NTSR1: variants seen among roughly 807,000 people sequenced by gnomAD.
NTSR1 encodes neurotensin receptor type 1.
Under a neutral mutation model 31.2 loss-of-function variants are expected in NTSR1, and 29 were observed. That is an observed-to-expected ratio of 0.93 (90% CI 0.69 to 1.27). The LOEUF (loss-of-function observed/expected upper bound fraction) is 1.27. Among genes scored for constraint, NTSR1 ranks in the 50% most tolerant of loss-of-function variants. The probability of loss-of-function intolerance (pLI) is 0.00; values close to 1 mark genes in which losing one functional copy is unlikely to be tolerated. For missense variants in NTSR1, 697 were observed against 595.4 expected (o/e 1.17, Z -1.78); for synonymous variants, 282 against 269.9 (o/e 1.04, Z -0.44).
chr20:62,746,036 G>A (rs1989294370), intron 1 of NTSR1, among the ~76,000 whole-genome samples: 1 of 152,238 alleles, frequency 6.6e-6, no homozygotes, highest in Admixed American at 6.5e-5. Flanking sequence ...TGTGGCCAGG[G>A]CTGAGACGCC....
chr20:62,712,897 GT>G (rs1263254097), intron 1 of NTSR1, among the ~76,000 whole-genome samples: 2 of 152,236 alleles, frequency 1.3e-5, no homozygotes, highest in African/African-American at 4.8e-5. Flanking sequence ...GGCCCAGATG[GT>G]GGGTCATCAG....
intron 1 of NTSR1, among the ~76,000 whole-genome samples, chr20:62,725,973 C>A (rs2147136190): frequency 6.6e-6 from 1 of 152,326 alleles, no homozygotes; most frequent in African/African-American, 2.4e-5. Flanking sequence ...TCTCTGTACA[C>A]CAACCTCATG....
In NTSR1 at chr20:62,709,242, G is replaced by A. The variant is rs913168157; in HGVS notation, c.35G>A (p.Gly12Asp). 4 of 1,505,658 alleles carry A rather than the reference G, an allele frequency of 2.7e-6. No homozygotes were observed. In the African/African-American group the frequency reaches 5.6e-5, roughly 21 times the overall value. 93.3% of individuals were successfully genotyped at this position (1,505,658 alleles called of 1,614,324 possible). A position where few individuals can be genotyped will look rare whatever the true frequency, so the allele number is the denominator to read the frequency against. Residue 12 changes from glycine to aspartate, a missense_variant, in exon 1 of 4, where the codon GGC becomes GAC. Transcript: ENST00000370501. ...AACAGCTCCGCGCCGGGAACCCCGG[G>A]CACGCCGGCCGCCGACCCCTTCCAG... ...RLNSSAPGTP[G>D]TPAADPFQRA...
chr20:62,738,080 T>TGCA (rs1989136808), intron 1 of NTSR1, among the ~76,000 whole-genome samples: 1 of 71,390 alleles, frequency 1.4e-5, no homozygotes, highest in African/African-American at 9.5e-5. Context: ...CTCCCCCTCC[T>TGCA]CTGCCTATGC....
At chr20:62,725,036 G>C (rs1196421784) in intron 1 of NTSR1, among the ~76,000 whole-genome samples, 4 of 152,156 alleles carry the variant, frequency 2.6e-5, no homozygotes, top group Non-Finnish European at 1.5e-5. Flanking sequence ...TATCTTTTCG[G>C]GGCTACCAAT....
Position 62,735,834 on chromosome 20 carries a change from G to A in NTSR1, c.715-18851G>A, listed in dbSNP as rs149355357. 5.3e-5 allele frequency among the ~76,000 whole-genome samples: 8 copies of A among 152,344 alleles called. No individual in the cohort carries two copies. In the East Asian group the frequency reaches 1.5e-3, roughly 29 times the overall value. ...CTGTGACCTGTGGGGCTGTGCAGGG[G>A]GCGGGAGCAGCCCCCATCCCAAAAG... On this transcript the variant is annotated intron_variant, in intron 1 of 3. Transcript: ENST00000370501.
rs1989545733 is a variant in NTSR1, at chr20:62,758,153, TGCA to T, written c.917-111_917-109del. 1 of 1,178,460 alleles carries T rather than the reference TGCA, an allele frequency of 8.5e-7. No individual in the cohort carries two copies. Among genetic ancestry groups the T allele is most frequent in the Non-Finnish European group, 1.2e-6 (1 of 812,604 alleles). The allele number at this position is 1,178,460 out of a possible 1,614,324, so 73.0% of individuals were successfully genotyped here. On this transcript the variant is annotated intron_variant, in intron 2 of 3. Transcript: ENST00000370501. This position sits in a 1 kb window ranked among gnomAD's most constrained non-coding sequence, Gnocchi z 4.5. ...TGAGCCCACGTCTCTGTGCCTCAGG[TGCA>T]GTGGGTCTCTGAGCCCACATCTGTG...
At chr20:62,736,291 T>C (rs1034884043) in intron 1 of NTSR1, among the ~76,000 whole-genome samples, 1 of 152,216 alleles carries the variant, frequency 6.6e-6, no homozygotes, top group African/African-American at 2.4e-5. Context: ...CCTTGGCAGC[T>C]GGGGAGACCC....
intron 1 of NTSR1, among the ~76,000 whole-genome samples, chr20:62,710,945 C>T (rs1988598704): frequency 1.3e-5 from 2 of 152,152 alleles, no homozygotes; most frequent in Non-Finnish European, 2.9e-5. Flanking sequence ...CTAGAGGGGC[C>T]AGGGTGGCTG....
intron 2 of NTSR1, among the ~76,000 whole-genome samples, chr20:62,756,057 T>C (rs1270775811): frequency 1.3e-5 from 2 of 151,842 alleles, no homozygotes; most frequent in Non-Finnish European, 2.9e-5. Context: ...GTCTCGCCTA[T>C]TCTTGCTCAC....
chr20:62,742,835 C>T lies in NTSR1; in HGVS notation c.715-11850C>T, dbSNP rs1324135171. 6.7e-6 allele frequency among the ~76,000 whole-genome samples: 1 copy of T among 149,402 alleles called. No homozygotes were observed. Among genetic ancestry groups the T allele is most frequent in the Admixed American group, 6.7e-5 (1 of 14,896 alleles). On this transcript the variant is annotated intron_variant, in intron 1 of 3. Coordinates refer to ENST00000370501, the MANE Select transcript of NTSR1 (RefSeq NM_002531.3). The surrounding 1 kb of genome is among the most constrained non-coding windows in gnomAD (Gnocchi z 7.1). ...CAGAGACCCACCAGGGTTCCCATCC[C>T]TCTCCCCGCAGTGTTTCCCCAGTTC...
intron 1 of NTSR1, among the ~76,000 whole-genome samples, chr20:62,718,757 G>A (rs1188189989): frequency 6.6e-6 from 1 of 152,176 alleles, no homozygotes; most frequent in Non-Finnish European, 1.5e-5. Context: ...TTTTGTTGAG[G>A]CATTTGCCCA....
At chr20:62,750,892 T>C (rs748459857) in intron 1 of NTSR1, among the ~76,000 whole-genome samples, 2 of 151,962 alleles carry the variant, frequency 1.3e-5, no homozygotes, top group Non-Finnish European at 2.9e-5. Context: ...CAAATATTTT[T>C]GCGATGGGCG....
At position 62,743,485 on chromosome 20, in the gene NTSR1, G is replaced by A. The variant is rs1036286875; in HGVS notation, c.715-11200G>A. 6.6e-6 allele frequency among the ~76,000 whole-genome samples: 1 copy of A among 152,266 alleles called. No homozygotes were observed. The highest frequency in any genetic ancestry group is 1.9e-4 in the East Asian group (1 of 5,154). Reference sequence around the variant, plus strand: ...GGAGGTTAGAAAAGACCGTCCGTGAGCCTGGGCCCTGCTGGGGCTGGTCAT... The same window carrying A: ...GGAGGTTAGAAAAGACCGTCCGTGAACCTGGGCCCTGCTGGGGCTGGTCAT... On this transcript the variant is annotated intron_variant, in intron 1 of 3. Coordinates refer to ENST00000370501, the MANE Select transcript of NTSR1 (RefSeq NM_002531.3). This position sits in a 1 kb window ranked among gnomAD's most constrained non-coding sequence, Gnocchi z 7.5.
At chr20:62,731,060 G>A (rs1051862717) in intron 1 of NTSR1, among the ~76,000 whole-genome samples, 3 of 151,970 alleles carry the variant, frequency 2.0e-5, no homozygotes, top group Admixed American at 6.6e-5. Flanking sequence ...TTTTTAGAGC[G>A]TTTTTGTTTT....
At chr20:62,713,781 T>C (rs1336737836) in intron 1 of NTSR1, among the ~76,000 whole-genome samples, 1 of 152,220 alleles carries the variant, frequency 6.6e-6, no homozygotes, top group Non-Finnish European at 1.5e-5. Context: ...GCAACTGTTC[T>C]GCAGTAGGAA....
chr20:62,717,572 G>A (rs916794360), intron 1 of NTSR1, among the ~76,000 whole-genome samples: 6 of 152,152 alleles, frequency 3.9e-5, no homozygotes, highest in African/African-American at 9.7e-5. Flanking sequence ...GACATAAAAC[G>A]CTGGAGACTG....
rs138331601 is a variant in NTSR1, at chr20:62,712,061, G to A, written c.714+2140G>A. On this transcript the variant is annotated intron_variant, in intron 1 of 3. Transcript: ENST00000370501. ...TGATTACAAGGGTGCTCCTCCATCC[G>A]ATGCTGATGACCTGGGGCTTTCCAG... Among the ~76,000 whole-genome samples the A allele has an allele frequency of 2.4e-3, 363 of 152,346 alleles. 2 individuals carry two copies. The highest frequency in any genetic ancestry group is 3.5e-3 in the Non-Finnish European group (239 of 68,028).
chr20:62,736,050 T>A (rs1989086672), intron 1 of NTSR1, among the ~76,000 whole-genome samples: 1 of 152,228 alleles, frequency 6.6e-6, no homozygotes, highest in Non-Finnish European at 1.5e-5. Context: ...CATCCCTCGA[T>A]AGAAATCAGT....
Sources: gnomAD v4.1 joint callset for allele counts (sites outside exome capture counted in the v4.1 genomes callset) on GRCh38, gnomAD v4.1.1 for gene constraint, Gnocchi (gnomAD v3.1) non-coding constraint, MANE v1.5 for transcripts, NCBI Gene and HGNC (gene_info 2026-07-23, HGNC 2026-07-21) for gene names.